The following CNTN5 variants were observed in gnomAD, a reference collection of about 807,000 sequenced individuals.
CNTN5 encodes contactin-5.
Under a neutral mutation model 129.1 loss-of-function variants are expected in CNTN5, and 77 were observed. That is an observed-to-expected ratio of 0.60 (90% confidence interval 0.50 to 0.72). The LOEUF is 0.72. CNTN5 is among the 30% of genes least tolerant of loss of function. CNTN5 has a pLI of 0.00. For synonymous variants in CNTN5, 509 were observed against 465.6 expected, an observed-to-expected ratio of 1.09 and a Z score of -1.20; for missense variants, 1,478 against 1,328.8, an observed-to-expected ratio of 1.11 and a Z score of -1.75.
At chr11:99,907,467 G>A (rs1290749023) in intron 6 of CNTN5, among the ~76,000 whole-genome samples, 2 of 151,792 alleles carry the variant, frequency 1.3e-5, no homozygotes, top group Middle Eastern at 3.2e-3. Context: ...ATGTTGTCCA[G>A]TTGCCTATTA....
At chr11:99,855,891 T>C (rs1023710541) in intron 6 of CNTN5, among the ~76,000 whole-genome samples, 4 of 152,196 alleles carry the variant, frequency 2.6e-5, no homozygotes, top group African/African-American at 9.6e-5. Flanking sequence ...TTTCATTTCA[T>C]ATCCTTAGAA....
At chr11:99,243,840 C>G (rs74322623) in intron 1 of CNTN5, among the ~76,000 whole-genome samples, 2,598 of 150,514 alleles carry the variant, frequency 0.017, 42 homozygotes, top group African/African-American at 0.037. Flanking sequence ...TTTCTTTTGC[C>G]AGTACCAGGC....
intron 6 of CNTN5, among the ~76,000 whole-genome samples, chr11:99,853,048 A>C (rs1947923741): frequency 6.6e-6 from 1 of 152,182 alleles, no homozygotes; most frequent in Admixed American, 6.5e-5. Context: ...AATATAGTAC[A>C]AAAAAGTATC....
chr11:99,899,881 A>AT (rs1477517966), intron 6 of CNTN5, among the ~76,000 whole-genome samples: 1 of 151,066 alleles, frequency 6.6e-6, no homozygotes, highest in Non-Finnish European at 1.5e-5. Flanking sequence ...TTGTTAGGAG[A>AT]TTTTTTCTTA....
Position 99,880,148 on chromosome 11 carries a change from A to G in CNTN5, c.577+34886A>G, listed in dbSNP as rs181802436. Among the ~76,000 whole-genome samples, 631 of 152,304 alleles carry G rather than the reference A, an allele frequency of 4.1e-3. 1 individual carries two copies. The highest frequency in any genetic ancestry group is 6.6e-3 in the Non-Finnish European group (449 of 68,020). On this transcript the variant is annotated intron_variant, in intron 6 of 24. Transcript: ENST00000524871. Reference sequence around the variant, plus strand: ...ACATGCATAGCGTGTGTTCATTAATATTTTGCATATGATCAATGAGGCAAT... The same window carrying G: ...ACATGCATAGCGTGTGTTCATTAATGTTTTGCATATGATCAATGAGGCAAT...
intron 2 of CNTN5, among the ~76,000 whole-genome samples, chr11:99,445,878 G>C (rs948171493): frequency 6.6e-6 from 1 of 152,056 alleles, no homozygotes; most frequent in African/African-American, 2.4e-5. Flanking sequence ...GAGGTCAGGA[G>C]TTCGAGACTA....
chr11:99,865,448 A>T (rs1462302023), intron 6 of CNTN5, among the ~76,000 whole-genome samples: 3 of 151,510 alleles, frequency 2.0e-5, no homozygotes, highest in Non-Finnish European at 4.4e-5. Context: ...ATTTTAATCA[A>T]TTTTTTTTAT....
At chr11:99,185,774 G>T (rs907010973) in intron 1 of CNTN5, among the ~76,000 whole-genome samples, 2 of 150,924 alleles carry the variant, frequency 1.3e-5, no homozygotes, top group Admixed American at 1.3e-4. Context: ...AAAATAAAGA[G>T]AAATGTTATC....
intron 7 of CNTN5, among the ~76,000 whole-genome samples, chr11:99,940,615 A>C (rs1950412988): frequency 1.3e-5 from 2 of 152,100 alleles, no homozygotes; most frequent in African/African-American, 4.8e-5. Context: ...TTCCTTGATA[A>C]AATTATTGAT....
chr11:99,197,680 A>T (rs752997384), intron 1 of CNTN5, among the ~76,000 whole-genome samples: 1 of 152,028 alleles, frequency 6.6e-6, no homozygotes, highest in Non-Finnish European at 1.5e-5. Context: ...TTTCTTATAC[A>T]TGCTTGTGTT....
intron 1 of CNTN5, among the ~76,000 whole-genome samples, chr11:99,083,935 A>G (rs6589888): frequency 0.14 from 20,882 of 152,090 alleles, 2,563 homozygotes; most frequent in East Asian, 0.43. Flanking sequence ...TCCCTAGAAT[A>G]TTTTATCTTT....
intron 8 of CNTN5, among the ~76,000 whole-genome samples, chr11:99,984,515 T>C (rs896169800): frequency 5.3e-5 from 8 of 152,030 alleles, no homozygotes; most frequent in Admixed American, 1.3e-4. Flanking sequence ...TTTGTTTTTG[T>C]TTTCATTTTG....
At chr11:99,918,028 C>T (rs1949838921) in intron 7 of CNTN5, among the ~76,000 whole-genome samples, 3 of 152,102 alleles carry the variant, frequency 2.0e-5, no homozygotes, top group Admixed American at 2.0e-4. Flanking sequence ...TTCTTATTTT[C>T]TGAACAGCAT....
intron 1 of CNTN5, among the ~76,000 whole-genome samples, chr11:99,136,414 TG>T (rs1354082682): frequency 6.6e-6 from 1 of 152,178 alleles, no homozygotes; most frequent in Admixed American, 6.6e-5. Context: ...AATTATTTTT[TG>T]TCCCTTGATT....
At chr11:99,352,395 C>T (rs182354224) in intron 2 of CNTN5, among the ~76,000 whole-genome samples, 73 of 152,114 alleles carry the variant, frequency 4.8e-4, no homozygotes, top group African/African-American at 1.6e-3. Context: ...GGTTCCTTTC[C>T]TTCCCCATCA....
At chr11:99,623,126 C>A (rs1951009147) in intron 3 of CNTN5, among the ~76,000 whole-genome samples, 1 of 152,094 alleles carries the variant, frequency 6.6e-6, no homozygotes, top group African/African-American at 2.4e-5. Context: ...GATAATCCCC[C>A]TCATCCTAGT....
intron 2 of CNTN5, among the ~76,000 whole-genome samples, chr11:99,439,958 AAAC>A (rs1467018129): frequency 4.6e-5 from 7 of 152,250 alleles, no homozygotes; most frequent in South Asian, 2.1e-4. Flanking sequence ...AAAATGTAGA[AAAC>A]AATATGGATC....
chr11:99,449,697 G>A (rs533983589), intron 2 of CNTN5, among the ~76,000 whole-genome samples: 15 of 152,316 alleles, frequency 9.8e-5, no homozygotes, highest in African/African-American at 1.4e-4. Context: ...AACTTGGACA[G>A]CTGGTATGTG....
intron 13 of CNTN5, among the ~76,000 whole-genome samples, chr11:100,076,797 T>C (rs1452939993): frequency 1.3e-5 from 2 of 152,114 alleles, no homozygotes; most frequent in Non-Finnish European, 2.9e-5. Context: ...CCCAGACATA[T>C]ATTGCATTTT....
Sources: gnomAD v4.1 joint callset for allele counts (sites outside exome capture counted in the v4.1 genomes callset) on GRCh38, gnomAD v4.1.1 for gene constraint, MANE v1.5 for transcripts, NCBI Gene and HGNC (gene_info 2026-07-23, HGNC 2026-07-21) for gene names.